Variants in GPC3 observed in about 807,000 individuals in gnomAD.
GPC3 encodes the protein glypican-3.
GPC3 carries 3 observed loss-of-function variants against 34.4 expected under a neutral mutation model. The observed-to-expected ratio is 0.09, with a 90% CI of 0.04 to 0.23. The LOEUF is 0.23. Ranked by LOEUF, GPC3 falls within the 10% of genes least tolerant of loss-of-function variation. GPC3 has a pLI of 1.00. For missense variants in GPC3, 351 were observed against 445.6 expected (o/e 0.79, Z 1.91); for synonymous variants, 177 against 174.0 (o/e 1.02, Z -0.13).
At chrX:133,638,452 C>T (rs1471393842) in intron 6 of GPC3, among the ~76,000 whole-genome samples, 5 of 111,380 alleles carry the variant, frequency 4.5e-5, no homozygotes, top group South Asian at 7.6e-4. Context: ...TGAGTTGGAG[C>T]GGGGGCCAAG....
At chrX:133,562,774 G>A (rs1176547388) in intron 7 of GPC3, among the ~76,000 whole-genome samples, 1 of 111,619 alleles carries the variant, frequency 9.0e-6, no homozygotes, top group Non-Finnish European at 1.9e-5. Flanking sequence ...TTCCACAGGA[G>A]TCATTAGAAA....
In GPC3 at chrX:133,645,001, G is replaced by T. The variant is rs181581163; in HGVS notation, c.1413+16729C>A. Among the ~76,000 whole-genome samples the T allele has an allele frequency of 5.4e-5, 6 of 111,671 alleles. No individual in the cohort carries two copies. The East Asian group carries it at 1.4e-3, about 26-fold the overall frequency. On this transcript the variant is annotated intron_variant, in intron 6 of 7. Transcript: ENST00000370818. ...TTGCCATGTTGCCCAAGCTGGTCTC[G>T]AACTTCTGACCTCAAGTGATCCACC...
chrX:133,777,519 C>T (rs1169790916), intron 2 of GPC3, among the ~76,000 whole-genome samples: 2 of 111,591 alleles, frequency 1.8e-5, no homozygotes, highest in Non-Finnish European at 3.8e-5. Flanking sequence ...TACAAAAGCC[C>T]ATCATGAAAC....
chrX:133,625,896 G>A (rs1234377641), intron 6 of GPC3, among the ~76,000 whole-genome samples: 3 of 112,012 alleles, frequency 2.7e-5, no homozygotes, highest in African/African-American at 9.7e-5. Flanking sequence ...GAGGCATCAC[G>A]CTACCTGACT....
At chrX:133,873,005 T>C (rs2076000530) in intron 2 of GPC3, among the ~76,000 whole-genome samples, 1 of 112,694 alleles carries the variant, frequency 8.9e-6, no homozygotes, top group Admixed American at 9.4e-5. Context: ...GTCTTTCCTT[T>C]CCCTTATATT....
chrX:133,917,841 G>A (rs1230651488), intron 2 of GPC3, among the ~76,000 whole-genome samples: 1 of 111,645 alleles, frequency 9.0e-6, no homozygotes, highest in African/African-American at 3.3e-5. Context: ...ATTGAAAAAT[G>A]TGATGGTATT....
chrX:133,960,095 C>T (rs955176471), intron 1 of GPC3, among the ~76,000 whole-genome samples: 2 of 110,853 alleles, frequency 1.8e-5, no homozygotes, highest in African/African-American at 6.6e-5. Flanking sequence ...GTAGACCATA[C>T]AGAATGGAAA....
chrX:133,627,813 T>C (rs919983318), intron 6 of GPC3, among the ~76,000 whole-genome samples: 1 of 112,325 alleles, frequency 8.9e-6, no homozygotes, highest in Non-Finnish European at 1.9e-5. Flanking sequence ...CTGTGGGCAG[T>C]CTCTATGGGG....
intron 6 of GPC3, 58 bp downstream of exon 6, chrX:133,661,672 C>T: frequency 3.1e-6 from 1 of 321,702 alleles, no homozygotes; most frequent in East Asian, 1.5e-4. Context: ...TCTCCCCCTC[C>T]TCCTCTCTCT....
chrX:133,974,589 T>A (rs1236235545), intron 1 of GPC3, among the ~76,000 whole-genome samples: 3 of 111,401 alleles, frequency 2.7e-5, no homozygotes, highest in African/African-American at 6.5e-5. Context: ...GTTTTTTTTT[T>A]AAATCATCAG....
intron 6 of GPC3, among the ~76,000 whole-genome samples, chrX:133,598,014 A>T (rs1285333130): frequency 6.2e-5 from 7 of 112,318 alleles, no homozygotes; most frequent in African/African-American, 2.3e-4. Context: ...AGAACCATAG[A>T]GTTTATATAA....
chrX:133,803,797 T>C (rs2075622287), intron 2 of GPC3, among the ~76,000 whole-genome samples: 1 of 111,993 alleles, frequency 8.9e-6, no homozygotes, highest in Middle Eastern at 4.6e-3. Context: ...TTTTCTCAAA[T>C]TTCAGGTATG....
At chrX:133,840,589 C>T (rs1235781718) in intron 2 of GPC3, among the ~76,000 whole-genome samples, 1 of 110,055 alleles carries the variant, frequency 9.1e-6, no homozygotes, top group Non-Finnish European at 1.9e-5. Flanking sequence ...TATATGTTAA[C>T]TATCATCATC....
intron 7 of GPC3, among the ~76,000 whole-genome samples, chrX:133,561,998 A>G (rs1199612902): frequency 8.9e-6 from 1 of 112,357 alleles, no homozygotes; most frequent in East Asian, 2.8e-4. Flanking sequence ...CGATGACAAA[A>G]GCATGAACTG....
chrX:133,896,789 C>A (rs186826419), intron 2 of GPC3, among the ~76,000 whole-genome samples: 136 of 111,606 alleles, frequency 1.2e-3, no homozygotes, highest in Non-Finnish European at 1.4e-3. Flanking sequence ...GGTGCTATTA[C>A]AGCTGTTTTC....
intron 2 of GPC3, among the ~76,000 whole-genome samples, chrX:133,947,377 T>C (rs2076373498): frequency 9.0e-6 from 1 of 111,558 alleles, no homozygotes; most frequent in Non-Finnish European, 1.9e-5. Context: ...CCTCACCTCA[T>C]GGTTGGCCCC....
intron 2 of GPC3, among the ~76,000 whole-genome samples, chrX:133,770,596 A>G (rs183245326): frequency 5.5e-4 from 62 of 111,804 alleles, no homozygotes; most frequent in Admixed American, 2.7e-3. Context: ...GTTCTGAGCT[A>G]GAAACAGAAA....
At chrX:133,678,905 G>C (rs1201345181) in intron 5 of GPC3, among the ~76,000 whole-genome samples, 1 of 112,051 alleles carries the variant, frequency 8.9e-6, no homozygotes, top group Admixed American at 9.4e-5. Context: ...TGTATGCTTC[G>C]ATTCTCTGAC....
intron 2 of GPC3, among the ~76,000 whole-genome samples, chrX:133,756,245 T>C (rs1329987356): frequency 8.9e-6 from 1 of 112,443 alleles, no homozygotes. Context: ...AACTAGTGTC[T>C]TCCATAACAG....
Sources: gnomAD v4.1 joint callset for allele counts (sites outside exome capture counted in the v4.1 genomes callset) on GRCh38, gnomAD v4.1.1 for gene constraint, MANE v1.5 for transcripts, NCBI Gene and HGNC (gene_info 2026-07-23, HGNC 2026-07-21) for gene names.